The following RAB38 variants were observed in gnomAD, a reference collection of about 807,000 sequenced individuals.
RAB38 encodes the protein ras-related protein Rab-38.
Under a neutral mutation model 18.4 loss-of-function variants are expected in RAB38, and 15 were observed. The observed-to-expected ratio is 0.82, with a 90% CI of 0.55 to 1.26. The LOEUF is 1.26. Among genes scored for constraint, RAB38 ranks in the 50% most tolerant of loss-of-function variants. The pLI is 0.00. For missense variants in RAB38, 294 were observed against 267.4 expected, an observed-to-expected ratio of 1.10 and a Z score of -0.69; for synonymous variants, 101 against 104.4, an observed-to-expected ratio of 0.97 and a Z score of 0.20.
At chr11:87,864,850 G>A in the RAB38 span, among the ~76,000 whole-genome samples, 1 of 151,704 alleles carries the variant, frequency 6.6e-6, no homozygotes, top group Non-Finnish European at 1.5e-5. Flanking sequence ...TATCGCAGAC[G>A]AGCAGTTCTC....
the RAB38 span, among the ~76,000 whole-genome samples, chr11:87,905,320 C>A: frequency 2.0e-5 from 3 of 151,156 alleles, no homozygotes; most frequent in South Asian, 4.2e-4. Context: ...ATTTTGTGTC[C>A]TGGTTAGCTC....
the RAB38 span, among the ~76,000 whole-genome samples, chr11:87,869,492 G>A: frequency 6.6e-6 from 1 of 151,600 alleles, no homozygotes; most frequent in African/African-American, 2.4e-5. Flanking sequence ...AAACAGGTCT[G>A]CATTAACACA....
the RAB38 span, among the ~76,000 whole-genome samples, chr11:87,907,309 A>C: frequency 6.6e-6 from 1 of 151,828 alleles, no homozygotes; most frequent in Admixed American, 6.6e-5. Context: ...TAGATGGAAC[A>C]TTTTTATTTG....
the RAB38 span, among the ~76,000 whole-genome samples, chr11:87,972,020 T>G: frequency 6.6e-6 from 1 of 151,936 alleles, no homozygotes; most frequent in African/African-American, 2.4e-5. Flanking sequence ...TAACAGTTGT[T>G]GATGTAGCTG....
chr11:88,078,598 T>C, the RAB38 span, among the ~76,000 whole-genome samples: 1 of 151,828 alleles, frequency 6.6e-6, no homozygotes, highest in Non-Finnish European at 1.5e-5. Flanking sequence ...TGGAGGTCAT[T>C]ATGTTAAGTG....
chr11:88,042,234 T>C, the RAB38 span, among the ~76,000 whole-genome samples: 1 of 152,138 alleles, frequency 6.6e-6, no homozygotes, highest in African/African-American at 2.4e-5. Flanking sequence ...TTCTCCCAAA[T>C]ACGGCTATCT....
the RAB38 span, among the ~76,000 whole-genome samples, chr11:87,910,407 C>CT: frequency 1.3e-4 from 20 of 151,442 alleles, no homozygotes; most frequent in African/African-American, 4.4e-4. Context: ...CCTAGTCTGC[C>CT]TTTTTTTTCA....
At chr11:88,058,020 A>G in the RAB38 span, among the ~76,000 whole-genome samples, 4 of 152,218 alleles carry the variant, frequency 2.6e-5, no homozygotes, top group African/African-American at 7.2e-5. Flanking sequence ...GTGAGTGGCC[A>G]TGTATTTTTG....
At chr11:88,073,350 C>T in the RAB38 span, among the ~76,000 whole-genome samples, 1 of 152,170 alleles carries the variant, frequency 6.6e-6, no homozygotes, top group Non-Finnish European at 1.5e-5. Context: ...CCTAGCTAGT[C>T]TTCCCACACT....
At chr11:87,891,505 C>A in the RAB38 span, among the ~76,000 whole-genome samples, 1 of 151,718 alleles carries the variant, frequency 6.6e-6, no homozygotes, top group African/African-American at 2.4e-5. Context: ...CTCTTTCCTC[C>A]ATTTACTGGC....
At chr11:87,826,109 A>T in the RAB38 span, among the ~76,000 whole-genome samples, 1 of 152,106 alleles carries the variant, frequency 6.6e-6, no homozygotes, top group Admixed American at 6.6e-5. Context: ...AAAGTGAGTG[A>T]TAACATAGTC....
At chr11:88,108,086 T>C in the RAB38 span, among the ~76,000 whole-genome samples, 1 of 152,184 alleles carries the variant, frequency 6.6e-6, no homozygotes, top group Non-Finnish European at 1.5e-5. Context: ...CTAAGAAGAA[T>C]GTATATACTA....
At chr11:87,940,457 G>C in the RAB38 span, among the ~76,000 whole-genome samples, 4 of 152,038 alleles carry the variant, frequency 2.6e-5, no homozygotes, top group Non-Finnish European at 2.9e-5. Flanking sequence ...CAACTCCATA[G>C]AACAGGAAAG....
chr11:88,140,954 A>T (rs546792196), intron 2 of RAB38, among the ~76,000 whole-genome samples: 1 of 152,268 alleles, frequency 6.6e-6, no homozygotes, highest in East Asian at 1.9e-4. Flanking sequence ...TCTCTGAGTG[A>T]TATCCAAGTA....
the RAB38 span, among the ~76,000 whole-genome samples, chr11:87,864,085 G>T: frequency 1.3e-5 from 2 of 151,604 alleles, no homozygotes; most frequent in African/African-American, 4.8e-5. Context: ...GGCTTTGAGA[G>T]AGTAACTCTT....
At chr11:88,009,061 A>G in the RAB38 span, among the ~76,000 whole-genome samples, 3 of 152,230 alleles carry the variant, frequency 2.0e-5, no homozygotes, top group Non-Finnish European at 2.9e-5. Context: ...GCCAAGACAT[A>G]TCATCATGAA....
the RAB38 span, among the ~76,000 whole-genome samples, chr11:87,912,499 C>T: frequency 6.6e-6 from 1 of 151,906 alleles, no homozygotes; most frequent in Non-Finnish European, 1.5e-5. Flanking sequence ...TCATAATATT[C>T]ACTTATTACT....
In RAB38 at chr11:88,152,055, T is replaced by C. The variant is rs369875524; in HGVS notation, c.203-2100A>G. 3.9e-5 allele frequency among the ~76,000 whole-genome samples: 6 copies of C among 152,274 alleles called. No homozygotes were observed. The South Asian group carries it at 8.3e-4, about 21-fold the overall frequency. On this transcript the variant is annotated intron_variant, in intron 1 of 2. Transcript: ENST00000243662. ...TGAACTTTTAGTTTTCCCAAATAAG[T>C]TTTAAATTTCTTTTTTTCTTTTTAA...
At chr11:87,820,429 G>A in the RAB38 span, among the ~76,000 whole-genome samples, 3 of 152,178 alleles carry the variant, frequency 2.0e-5, no homozygotes, top group Non-Finnish European at 2.9e-5. Context: ...AAATGACAGT[G>A]TGAAAATTGA....
Sources: allele counts gnomAD v4.1 joint callset (sites outside exome capture counted in the v4.1 genomes callset), GRCh38; gene constraint gnomAD v4.1.1; transcripts MANE v1.5; gene names NCBI Gene and HGNC (gene_info 2026-07-23, HGNC 2026-07-21).